CTNNA3: variants seen among roughly 807,000 people sequenced by gnomAD.
The protein encoded by CTNNA3 is catenin alpha-3.
A neutral mutation model predicts 95.7 loss-of-function variants in CTNNA3; 76 were observed. The ratio of observed to expected loss-of-function variants is 0.79; its 90% CI spans 0.66 to 0.96. The LOEUF is 0.96. Ranked by LOEUF, CTNNA3 falls within the 40% of genes least tolerant of loss-of-function variation. The pLI is 0.00. For synonymous variants in CTNNA3, 431 were observed against 374.4 expected (o/e 1.15, Z -1.74); for missense variants, 1,191 against 1,089.8 (o/e 1.09, Z -1.31).
intron 11 of CTNNA3, among the ~76,000 whole-genome samples, chr10:66,446,883 T>C (rs1401918585): frequency 6.6e-6 from 1 of 151,918 alleles, no homozygotes; most frequent in African/African-American, 2.4e-5. Flanking sequence ...GGAAGTCAAA[T>C]TGTCCCTGTT....
At position 65,920,490 on chromosome 10, in the gene CTNNA3, T is replaced by G. The variant is rs540211204; in HGVS notation, c.2528A>C (p.His843Pro). The G allele has an allele frequency of 2.5e-6, 4 of 1,614,128 alleles. No individual in the cohort carries two copies. In the East Asian group the frequency reaches 8.9e-5, roughly 36 times the overall value. The change falls in exon 18 of 18, where the codon CAC becomes CCC. Residue 843 changes from histidine to proline, a missense_variant. Coordinates refer to ENST00000433211, the MANE Select transcript of CTNNA3 (RefSeq NM_013266.4). The part of the protein sequence containing the change: ...IRIQSPAGPR[H>P]PVVMWRMKAP... ...CTTCATTCTCCACATCACAACTGGG[T>G]GCCGGGGCCCAGCAGGACTCTGGAT... is the stretch of plus-strand genomic sequence containing the variant.
chr10:66,802,717 G>GAA (rs532442768), intron 7 of CTNNA3, among the ~76,000 whole-genome samples: 6 of 139,342 alleles, frequency 4.3e-5, no homozygotes, highest in Non-Finnish European at 7.9e-5. Flanking sequence ...GCCCCAAACC[G>GAA]AAAAAAAAAA....
At chr10:67,645,848 G>T (rs1481587813) in intron 2 of CTNNA3, among the ~76,000 whole-genome samples, 3 of 149,858 alleles carry the variant, frequency 2.0e-5, no homozygotes, top group Admixed American at 2.0e-4. Context: ...AAATAAATAG[G>T]GAAATTATTA....
At chr10:67,189,234 C>G (rs1437303221) in intron 6 of CTNNA3, among the ~76,000 whole-genome samples, 5 of 151,696 alleles carry the variant, frequency 3.3e-5, no homozygotes, top group African/African-American at 9.7e-5. Flanking sequence ...CACAGAAATA[C>G]AAATACCACA....
intron 11 of CTNNA3, among the ~76,000 whole-genome samples, chr10:66,472,454 A>G (rs187639562): frequency 6.6e-6 from 1 of 152,140 alleles, no homozygotes; most frequent in East Asian, 1.9e-4. Context: ...AACAAAGGTT[A>G]AAGCCAAATT....
rs777137490 is a variant in CTNNA3 at position 66,380,625 on chromosome 10, C to CTATCTATCTA, written c.1532-1274_1532-1273insTAGATAGATA. Among the ~76,000 whole-genome samples, 259 of 122,880 alleles carry CTATCTATCTA rather than the reference C, an allele frequency of 2.1e-3. 1 individual carries two copies. Among genetic ancestry groups the CTATCTATCTA allele is most frequent in the South Asian group, 7.9e-3 (32 of 4,064 alleles). 80.6% of individuals were successfully genotyped at this position (122,880 alleles called of 152,430 possible). On this transcript the variant is annotated intron_variant, in intron 11 of 17. Transcript: ENST00000433211. ...CCTATCTATCTATCTATCTATCTAT[C>CTATCTATCTA]TATATATATATATATATTAAATTAA...
intron 5 of CTNNA3, among the ~76,000 whole-genome samples, chr10:67,373,530 A>G (rs1461197274): frequency 6.6e-6 from 1 of 152,188 alleles, no homozygotes; most frequent in African/African-American, 2.4e-5. Flanking sequence ...ATAATGGGAG[A>G]CTTTAACACC....
chr10:67,314,916 C>T (rs1341803014), intron 5 of CTNNA3, among the ~76,000 whole-genome samples: 1 of 152,016 alleles, frequency 6.6e-6, no homozygotes, highest in African/African-American at 2.4e-5. Context: ...TCTAAGTGGC[C>T]CATTCCAATG....
intron 3 of CTNNA3, among the ~76,000 whole-genome samples, chr10:67,543,041 T>C (rs558009336): frequency 1.3e-5 from 2 of 152,156 alleles, no homozygotes; most frequent in South Asian, 4.1e-4. Context: ...TACATACAAA[T>C]AAAAATAACT....
chr10:66,918,888 C>CA (rs1846635551), intron 7 of CTNNA3, among the ~76,000 whole-genome samples: 1 of 152,062 alleles, frequency 6.6e-6, no homozygotes, highest in Non-Finnish European at 1.5e-5. Context: ...GTAATCCCAG[C>CA]ACTTTGGGAG....
chr10:66,217,629 T>C (rs1277726597), intron 13 of CTNNA3, among the ~76,000 whole-genome samples: 1 of 152,200 alleles, frequency 6.6e-6, no homozygotes, highest in East Asian at 1.9e-4. Context: ...ATTTTCATTG[T>C]TCTGTGGTAA....
chr10:66,797,815 A>C (rs554835008), intron 7 of CTNNA3, among the ~76,000 whole-genome samples: 6 of 151,856 alleles, frequency 4.0e-5, no homozygotes, highest in Non-Finnish European at 8.8e-5. Flanking sequence ...TCAGTCTACA[A>C]ATCAAGTTAA....
intron 13 of CTNNA3, among the ~76,000 whole-genome samples, chr10:66,231,149 A>C (rs1451746776): frequency 6.6e-6 from 1 of 152,130 alleles, no homozygotes; most frequent in Admixed American, 6.5e-5. Context: ...AGCTCCTGCA[A>C]TGGCTGTGAA....
At chr10:66,913,575 GA>G (rs1261639710) in intron 7 of CTNNA3, among the ~76,000 whole-genome samples, 1 of 152,066 alleles carries the variant, frequency 6.6e-6, no homozygotes, top group Non-Finnish European at 1.5e-5. Context: ...GAGAAAAGAG[GA>G]ATGAATGAAC....
chr10:67,069,202 A>G (rs149600097), intron 7 of CTNNA3, among the ~76,000 whole-genome samples: 174 of 152,212 alleles, frequency 1.1e-3, no homozygotes, highest in African/African-American at 3.9e-3. Flanking sequence ...GTAAAGAAAA[A>G]AGAAAAATAT....
chr10:66,886,030 T>G (rs1022454008), intron 7 of CTNNA3, among the ~76,000 whole-genome samples: 3 of 152,100 alleles, frequency 2.0e-5, no homozygotes, highest in Non-Finnish European at 4.4e-5. Context: ...TTTGTTGCAA[T>G]ATTTTCCTTA....
intron 5 of CTNNA3, among the ~76,000 whole-genome samples, chr10:67,487,199 T>A (rs888432359): frequency 1.3e-5 from 2 of 152,202 alleles, no homozygotes; most frequent in African/African-American, 2.4e-5. Flanking sequence ...GTGTCAGTTT[T>A]CTGTGCATAG....
At chr10:66,612,551 GAAAGACTGGAC>G (rs1168773450) in intron 10 of CTNNA3, among the ~76,000 whole-genome samples, 1 of 152,040 alleles carries the variant, frequency 6.6e-6, no homozygotes, top group African/African-American at 2.4e-5. Context: ...TTGGTTATTA[GAAAGACTGGAC>G]TGGGGGAGGT....
intron 5 of CTNNA3, among the ~76,000 whole-genome samples, chr10:67,468,924 C>G (rs180974048): frequency 8.5e-5 from 13 of 152,252 alleles, no homozygotes; most frequent in African/African-American, 3.1e-4. Context: ...ATCACTTCTC[C>G]TATTTTTATT....
Sources: allele counts gnomAD v4.1 joint callset (sites outside exome capture counted in the v4.1 genomes callset), GRCh38; gene constraint gnomAD v4.1.1; transcripts MANE v1.5; gene names NCBI Gene and HGNC (gene_info 2026-07-23, HGNC 2026-07-21).